Variants in STXBP2 observed in about 807,000 individuals in gnomAD.
STXBP2 encodes syntaxin-binding protein 2.
Under a neutral mutation model 72.2 loss-of-function variants are expected in STXBP2, and 47 were observed. That is an observed-to-expected ratio of 0.65 (90% confidence interval 0.51 to 0.83). STXBP2 has a LOEUF of 0.83. Ranked by LOEUF, STXBP2 falls within the 40% of genes least tolerant of loss-of-function variation. The pLI, the probability that STXBP2 is intolerant of heterozygous loss-of-function variation, is 0.00. For missense variants in STXBP2, 702 were observed against 807.6 expected (o/e 0.87, Z 1.58); for synonymous variants, 367 against 338.7 (o/e 1.08, Z -0.92).
the STXBP2 span, chr19:7,630,845 A>G: frequency 1.4e-5 from 22 of 1,537,092 alleles, no homozygotes; most frequent in Admixed American, 2.0e-5. Flanking sequence ...CCACCTGAGA[A>G]GGTAAGTGAT....
chr19:7,645,887 C>G (rs1254469395), intron 15 of STXBP2: 2 of 388,150 alleles, frequency 5.2e-6, no homozygotes, highest in South Asian at 2.9e-5. Flanking sequence ...GTCTTGCTCC[C>G]CTCCCCTCTC....
At chr19:7,632,664 C>T (rs907823099), upstream of STXBP2, 3 of 1,553,208 alleles carry the variant, frequency 1.9e-6, no homozygotes, top group Admixed American at 3.8e-5. This position sits in a 1 kb window ranked among gnomAD's most constrained non-coding sequence, Gnocchi z 5.2. Context: ...ACTTGCCCTG[C>T]ACTCCCACCC....
In STXBP2 at chr19:7,647,736, A is replaced by C; in HGVS notation, c.1708A>C (p.Ile570Leu). The C allele has an allele frequency of 1.2e-6, 2 of 1,613,944 alleles. No individual in the cohort carries two copies. Among genetic ancestry groups the C allele is most frequent in the Non-Finnish European group, 1.7e-6 (2 of 1,179,974 alleles). ...KWEVLIGSSH[I>L]LTPTRFLDDL... ...CTGCCCCTGCACAGGCTCCTCACAC[A>C]TCCTCACCCCGACCCGCTTCCTGGA... The change falls in exon 19 of 19, where the codon ATC (isoleucine) becomes CTC (leucine). Residue 570 changes from isoleucine to leucine, a missense_variant. Physicochemically the swap from Ile to Leu is conservative, Grantham distance 5. Coordinates refer to ENST00000221283, the MANE Select transcript of STXBP2 (RefSeq NM_006949.4).
chr19:7,642,160 G>T lies in STXBP2; in HGVS notation c.663+42G>T, dbSNP rs779363402. On this transcript the variant is annotated intron_variant, in intron 8 of 18. Transcript: ENST00000221283. This position sits in a 1 kb window ranked among gnomAD's most constrained non-coding sequence, Gnocchi z 6.0. The stretch of plus-strand genomic sequence containing the variant: ...GGGAGGTGAGGGGCAGCCCCAACCG[G>T]CTCAGGGTCAGTGCCTCATTCCTGC... The T allele has an allele frequency of 5.0e-6, 8 of 1,614,044 alleles. No homozygotes were observed. In the East Asian group the frequency reaches 1.8e-4, roughly 36 times the overall value.
chr19:7,639,852 A>G lies in STXBP2; in HGVS notation c.246+45A>G, dbSNP rs747372443. 16 of 1,586,734 alleles carry G rather than the reference A, an allele frequency of 1.0e-5. No individual in the cohort carries two copies. In the South Asian group the frequency reaches 1.4e-4, roughly 14 times the overall value. On this transcript the variant is annotated intron_variant, in intron 4 of 18. Transcript: ENST00000221283. Reference sequence around the variant, plus strand: ...TGTGTGTATGCGCGTGCATGCGTGTACATGTGCATGTGTGTGTATGTCTGC... The same window carrying G: ...TGTGTGTATGCGCGTGCATGCGTGTGCATGTGCATGTGTGTGTATGTCTGC...
chr19:7,640,526 G>C, intron 4 of STXBP2: 1 of 697,576 alleles, frequency 1.4e-6, no homozygotes, highest in South Asian at 1.5e-5. Context: ...GTGTGCATGC[G>C]TGTGTATGTG....
At chr19:7,634,848 T>G (rs1177871722), upstream of STXBP2, among the ~76,000 whole-genome samples, 1 of 152,190 alleles carries the variant, frequency 6.6e-6, no homozygotes, top group Admixed American at 6.5e-5. Flanking sequence ...TCACTGCAGC[T>G]CTTCACTCCC....
At chr19:7,633,381 G>A (rs1278053203), upstream of STXBP2, 2 of 1,553,938 alleles carry the variant, frequency 1.3e-6, no homozygotes, top group African/African-American at 1.4e-5. Context: ...TGAGCTGGGG[G>A]TGGGGTGGGG....
In STXBP2 at chr19:7,642,158, C is replaced by T. The variant is rs368233972; in HGVS notation, c.663+40C>T. 6.6e-5 allele frequency: 107 copies of T among 1,614,054 alleles called. No individual in the cohort carries two copies. The African/African-American group carries it at 1.1e-3, about 17-fold the overall frequency. On this transcript the variant is annotated intron_variant, in intron 8 of 18. Transcript: ENST00000221283. The surrounding 1 kb of genome is among the most constrained non-coding windows in gnomAD (Gnocchi z 6.0). ...TTGGGAGGTGAGGGGCAGCCCCAAC[C>T]GGCTCAGGGTCAGTGCCTCATTCCT...
At chr19:7,631,466 C>T in the STXBP2 span, 4 of 1,535,498 alleles carry the variant, frequency 2.6e-6, no homozygotes, top group Non-Finnish European at 3.5e-6. Flanking sequence ...CGCTTCTCCA[C>T]CCCTAGCTTC....
Position 7,647,154 on chromosome 19 carries a change from G to A in STXBP2, c.1453-8G>A, listed in dbSNP as rs1452988617. 10 of 1,611,180 alleles carry A rather than the reference G, an allele frequency of 6.2e-6. No individual in the cohort carries two copies. The African/African-American group carries it at 1.3e-4, about 22-fold the overall frequency. The stretch of plus-strand genomic sequence containing the variant: ...GGTTCCTCCCCTAACCTGCCTCTCG[G>A]CCGCCAGGACGCCGTGGAGGACCGG... On this transcript the variant is annotated splice_polypyrimidine_tract_variant and splice_region_variant and intron_variant, in intron 16 of 18. Coordinates refer to ENST00000221283, the MANE Select transcript of STXBP2 (RefSeq NM_006949.4).
At chr19:7,633,334 T>A, upstream of STXBP2, 1 of 1,269,598 alleles carries the variant, frequency 7.9e-7, no homozygotes, top group Non-Finnish European at 1.1e-6. Context: ...TTAGGTGCCC[T>A]ACAAACTAGT....
upstream of STXBP2, among the ~76,000 whole-genome samples, chr19:7,635,737 A>G (rs1414573578): frequency 6.6e-6 from 1 of 152,098 alleles, no homozygotes; most frequent in Non-Finnish European, 1.5e-5. Context: ...GAGGGAGAAG[A>G]AGGAAGAAAG....
chr19:7,629,910 G>C, the STXBP2 span: 1 of 1,484,396 alleles, frequency 6.7e-7, no homozygotes, highest in Non-Finnish European at 8.9e-7. Context: ...GATCTTCCTG[G>C]ATCTGAAGAT....
At chr19:7,637,408 G>C (rs1363696382) in intron 1 of STXBP2, among the ~76,000 whole-genome samples, 5 of 152,168 alleles carry the variant, frequency 3.3e-5, no homozygotes, top group African/African-American at 1.2e-4. Context: ...GGACTCCGGG[G>C]ACCCAAAGGG....
upstream of STXBP2, chr19:7,632,679 C>T: frequency 1.3e-6 from 2 of 1,549,880 alleles, no homozygotes; most frequent in Non-Finnish European, 1.7e-6. This position sits in a 1 kb window ranked among gnomAD's most constrained non-coding sequence, Gnocchi z 5.2. Flanking sequence ...CCACCCCGTT[C>T]ACGCCCCATG....
chr19:7,643,675 T>TA (rs2031990698), intron 13 of STXBP2, among the ~76,000 whole-genome samples: 1 of 143,122 alleles, frequency 7.0e-6, no homozygotes, highest in Admixed American at 6.9e-5. Context: ...AATGGAGCCT[T>TA]GGAGAGGTGG....
Position 7,641,935 on chromosome 19 carries a change from C to A in STXBP2, c.578+82C>A. 9 of 1,452,532 alleles carry A rather than the reference C, an allele frequency of 6.2e-6. No homozygotes were observed. In the South Asian group the frequency reaches 1.0e-4, roughly 16 times the overall value. 90.0% of individuals were successfully genotyped at this position (1,452,532 alleles called of 1,614,324 possible). A position where few individuals can be genotyped will look rare whatever the true frequency, so the allele number is the denominator to read the frequency against. On this transcript the variant is annotated intron_variant, in intron 7 of 18. Transcript: ENST00000221283. The stretch of plus-strand genomic sequence containing the variant: ...ACCTAACCTTTAACCTCTCTTGTGA[C>A]CCCAGCCCCGGCCCTACCCTGGCCC...
chr19:7,644,478 T>G, intron 13 of STXBP2, 136 bp from the exon 14 acceptor site: 366 of 1,235,340 alleles, frequency 3.0e-4, no homozygotes, highest in Non-Finnish European at 3.8e-4. Flanking sequence ...GGTGGGACCT[T>G]GAGAGACCTG....
Sources: gnomAD v4.1 joint callset for allele counts (sites outside exome capture counted in the v4.1 genomes callset) on GRCh38, gnomAD v4.1.1 for gene constraint, Gnocchi (gnomAD v3.1) non-coding constraint, MANE v1.5 for transcripts, NCBI Gene and HGNC (gene_info 2026-07-23, HGNC 2026-07-21) for gene names.